PROX1: variants seen among roughly 807,000 people sequenced by gnomAD.
PROX1 encodes prospero homeobox protein 1.
A neutral mutation model predicts 58.8 loss-of-function variants in PROX1; 7 were observed. The ratio of observed to expected loss-of-function variants is 0.12; its 90% CI spans 0.07 to 0.22. The LOEUF (loss-of-function observed/expected upper bound fraction) is 0.22. PROX1 is among the 10% of genes least tolerant of loss of function. PROX1 has a pLI of 1.00. For synonymous variants in PROX1, 350 were observed against 358.3 expected (o/e 0.98, Z 0.26); for missense variants, 675 against 927.8 (o/e 0.73, Z 3.54).
chr1:213,993,205 G>T (rs989438026), intron 1 of PROX1, among the ~76,000 whole-genome samples: 1 of 152,300 alleles, frequency 6.6e-6, no homozygotes, highest in African/African-American at 2.4e-5. Context: ...CAGGAATAGA[G>T]TAAGTGTATC....
At chr1:214,001,796 TAA>T (rs1006775411) in intron 2 of PROX1, among the ~76,000 whole-genome samples, 21 of 152,142 alleles carry the variant, frequency 1.4e-4, no homozygotes, top group African/African-American at 5.1e-4. Flanking sequence ...ACATGTAGAT[TAA>T]AGACTAAAAG....
intron 4 of PROX1, among the ~76,000 whole-genome samples, chr1:214,013,438 A>G (rs544826226): frequency 6.6e-6 from 1 of 152,354 alleles, no homozygotes; most frequent in Non-Finnish European, 1.5e-5. Context: ...TTTACATTAC[A>G]TGATGACATA....
At chr1:214,024,264 A>G (rs1435855465) in intron 4 of PROX1, among the ~76,000 whole-genome samples, 1 of 152,230 alleles carries the variant, frequency 6.6e-6, no homozygotes, top group Non-Finnish European at 1.5e-5. Context: ...AGCATTTGAA[A>G]TACAGCCCAT....
At chr1:214,020,220 GC>G (rs1664234819) in intron 4 of PROX1, among the ~76,000 whole-genome samples, 1 of 151,956 alleles carries the variant, frequency 6.6e-6, no homozygotes, top group African/African-American at 2.4e-5. Context: ...TCCCCACTCT[GC>G]CCCCCTCACT....
intron 1 of PROX1, among the ~76,000 whole-genome samples, chr1:213,995,573 A>G (rs1021353372): frequency 6.6e-6 from 1 of 152,110 alleles, no homozygotes; most frequent in African/African-American, 2.4e-5. Context: ...AAACAGAAGG[A>G]AACTAGTCCT....
intron 4 of PROX1, among the ~76,000 whole-genome samples, chr1:214,025,795 G>A (rs1276343159): frequency 2.0e-5 from 3 of 152,102 alleles, no homozygotes; most frequent in African/African-American, 7.2e-5. Context: ...CTGAATAGCT[G>A]GGATTGCGGG....
At chr1:214,025,136 T>C (rs1394297671) in intron 4 of PROX1, among the ~76,000 whole-genome samples, 1 of 152,184 alleles carries the variant, frequency 6.6e-6, no homozygotes, top group Non-Finnish European at 1.5e-5. Flanking sequence ...CAATTAAACG[T>C]TCCTAATCAG....
At chr1:213,988,563 G>C (rs1169054624) in intron 1 of PROX1, 80 bp downstream of exon 1, 2 of 152,138 alleles carry the variant, frequency 1.3e-5, no homozygotes, top group Non-Finnish European at 2.9e-5. Flanking sequence ...GAATGAGAAA[G>C]GAAGAAAAGA....
At position 213,998,259 on chromosome 1, in the gene PROX1, C is replaced by T; in HGVS notation, c.1724C>T (p.Ala575Val). ...GAAATATCACCTTATTCGGGAAGTG[C>T]AATATCCTTTTATTTTCCCCTCGAG... ...MSEISPYSGS[A>V]MQEGLSPNHL... The change falls in exon 2 of 5, where the codon GCA (alanine) becomes GTA (valine). Residue 575 changes from alanine (A) to valine (V), a missense_variant and splice_region_variant. Physicochemically the swap from Ala to Val is moderately conservative, Grantham distance 64. Around this residue, in one of 8 missense-constraint regions of PROX1, gnomAD observed 39 missense variants for 73.4 expected, o/e 0.53. Transcript: ENST00000366958. 1 of 1,538,462 alleles carries T rather than the reference C, an allele frequency of 6.5e-7. No homozygotes were observed. Among genetic ancestry groups the T allele is most frequent in the East Asian group, 2.3e-5 (1 of 44,198 alleles).
intron 4 of PROX1, among the ~76,000 whole-genome samples, chr1:214,024,906 A>G (rs1664400850): frequency 1.3e-5 from 2 of 152,230 alleles, no homozygotes; most frequent in South Asian, 4.1e-4. Context: ...CAAAAGTTAA[A>G]CTTCAAGGGC....
chr1:214,035,649 G>A lies in PROX1; in HGVS notation c.2029G>A (p.Val677Ile), dbSNP rs1322671296. Residue 677 changes from valine (V) to isoleucine (I), a missense_variant and splice_region_variant, in exon 5 of 5, where the codon GTT (valine) becomes ATT (isoleucine). Physicochemically the swap from Val to Ile is conservative, Grantham distance 29. Transcript: ENST00000366958. Reference protein sequence around the residue: ...MHYNKANDFEVPERFLEVAQI... With the variant: ...MHYNKANDFEIPERFLEVAQI... ...TGCCATTGTCTCCTTGTATCAGCAG[G>A]TTCCAGAGAGATTCCTGGAAGTTGC... 2 of 1,610,768 alleles carry A rather than the reference G, an allele frequency of 1.2e-6. No homozygotes were observed. Among genetic ancestry groups the A allele is most frequent in the Non-Finnish European group, 8.5e-7 (1 of 1,178,196 alleles).
intron 1 of PROX1, among the ~76,000 whole-genome samples, chr1:213,990,885 A>C (rs1280462045): frequency 2.0e-5 from 3 of 152,208 alleles, no homozygotes; most frequent in African/African-American, 7.2e-5. Context: ...AATCTCATAA[A>C]GTAGAATGAG....
At chr1:214,023,305 C>T (rs1190562740) in intron 4 of PROX1, among the ~76,000 whole-genome samples, 4 of 151,396 alleles carry the variant, frequency 2.6e-5, no homozygotes, top group Non-Finnish European at 4.4e-5. Context: ...ATATAATGTA[C>T]GTCTCCTCTC....
At chr1:213,994,021 C>A (rs1279987404) in intron 1 of PROX1, among the ~76,000 whole-genome samples, 1 of 152,236 alleles carries the variant, frequency 6.6e-6, no homozygotes, top group Non-Finnish European at 1.5e-5. Flanking sequence ...CAGCCCTCCT[C>A]TTGGCTCCAG....
At chr1:214,016,462 A>T (rs1664099363) in intron 4 of PROX1, among the ~76,000 whole-genome samples, 1 of 152,130 alleles carries the variant, frequency 6.6e-6, no homozygotes, top group Non-Finnish European at 1.5e-5. Context: ...CATGAGTGAG[A>T]GCCTTTCACT....
chr1:213,997,271 A>G lies in PROX1; in HGVS notation c.736A>G (p.Met246Val). ...RRQLKQQLED[M>V]QKQLRQLQEK... ...ACAGCTGAAACAGCAGCTGGAGGAC[A>G]TGCAGAAACAGCTGCGCCAGCTGCA... The change falls in exon 2 of 5, where the codon ATG becomes GTG. Residue 246 changes from methionine to valine, a missense_variant. This residue lies in a region of PROX1 where 403 missense variants were observed against 477.4 expected (regional missense o/e 0.84). Coordinates refer to ENST00000366958, the MANE Select transcript of PROX1 (RefSeq NM_001270616.2). This position sits in a 1 kb window ranked among gnomAD's most constrained non-coding sequence, Gnocchi z 7.1. 1 of 1,613,916 alleles carries G rather than the reference A, an allele frequency of 6.2e-7. No homozygotes were observed. Among genetic ancestry groups the G allele is most frequent in the Non-Finnish European group, 8.5e-7 (1 of 1,179,936 alleles).
intron 1 of PROX1, among the ~76,000 whole-genome samples, chr1:213,992,947 T>G (rs929173015): frequency 6.6e-6 from 1 of 152,194 alleles, no homozygotes; most frequent in South Asian, 2.1e-4. Flanking sequence ...GAATTTTGCA[T>G]GTTAAAGAGA....
intron 4 of PROX1, among the ~76,000 whole-genome samples, chr1:214,022,265 A>G (rs1312845502): frequency 6.6e-6 from 1 of 152,210 alleles, no homozygotes; most frequent in Non-Finnish European, 1.5e-5. Context: ...AAAATAGGGG[A>G]TGTAATAGTG....
chr1:213,990,432 G>C (rs1662986454), intron 1 of PROX1, among the ~76,000 whole-genome samples: 1 of 102,232 alleles, frequency 9.8e-6, no homozygotes, highest in Admixed American at 1.5e-4. Context: ...TGAGTTCTTG[G>C]GGTGGGGGGT....
Sources: gnomAD v4.1 joint callset for allele counts (sites outside exome capture counted in the v4.1 genomes callset) on GRCh38, gnomAD v4.1.1 for gene constraint, gnomAD v4.1.1 regional missense constraint, Gnocchi (gnomAD v3.1) non-coding constraint, MANE v1.5 for transcripts, NCBI Gene and HGNC (gene_info 2026-07-23, HGNC 2026-07-21) for gene names.